Variants in ZRANB1 observed in about 807,000 individuals in gnomAD.
ZRANB1 encodes the protein zinc finger RANBP2-type containing 1, also known as ubiquitin thioesterase ZRANB1.
In ZRANB1, 16 loss-of-function variants were observed where a neutral mutation model predicts 80.5. The observed-to-expected ratio is 0.20, with a 90% confidence interval of 0.13 to 0.30. The LOEUF (loss-of-function observed/expected upper bound fraction) is 0.30. Among genes scored for constraint, ZRANB1 ranks in the 10% least tolerant of loss-of-function variants. The pLI, the probability that ZRANB1 is intolerant of heterozygous loss-of-function variation, is 1.00. For synonymous variants in ZRANB1, 291 were observed against 293.1 expected (o/e 0.99, Z 0.07); for missense variants, 576 against 862.6 (o/e 0.67, Z 4.16).
At position 124,986,277 on chromosome 10, in the gene ZRANB1, G is replaced by GCA. The variant is rs1236967383; in HGVS notation, c.*1287_*1288dup. ...CCAGGAATTTGGAAAGACGACACAC[G>GCA]CACGCGCGCGCGCGCACACACACAC... On this transcript the variant is annotated 3_prime_UTR_variant, in exon 9 of 9. Transcript: ENST00000359653. 4 of 21,454 alleles carry GCA rather than the reference G, an allele frequency of 1.9e-4. No homozygotes were observed. The highest frequency in any genetic ancestry group is 5.9e-3 in the East Asian group (2 of 338). 1.3% of individuals were successfully genotyped at this position (21,454 alleles called of 1,614,324 possible). A position where few individuals can be genotyped will look rare whatever the true frequency, so the allele number is the denominator to read the frequency against.
chr10:124,925,119 A>G, the ZRANB1 span, among the ~76,000 whole-genome samples: 9 of 152,120 alleles, frequency 5.9e-5, no homozygotes, highest in African/African-American at 1.9e-4. Context: ...TATGTTGACC[A>G]GGCTGGTCTC....
chr10:124,963,554 G>GTTTTTTTTTTTTTTTTTTTTTTTTGT (rs760813299), intron 1 of ZRANB1, among the ~76,000 whole-genome samples: 1 of 57,510 alleles, frequency 1.7e-5, no homozygotes, highest in African/African-American at 6.2e-5. Context: ...TTTTTTGTTT[G>GTTTTTTTTTTTTTTTTTTTTTTTTGT]TTTTTTTTTT....
At chr10:124,929,541 T>C in the ZRANB1 span, among the ~76,000 whole-genome samples, 3,148 of 145,720 alleles carry the variant, frequency 0.022, 120 homozygotes, top group African/African-American at 0.074. Flanking sequence ...GGTTTCACCA[T>C]GTTGGTCAGG....
upstream of ZRANB1, among the ~76,000 whole-genome samples, chr10:124,938,099 T>G (rs1951503447): frequency 1.3e-5 from 2 of 152,210 alleles, no homozygotes; most frequent in South Asian, 4.1e-4. Context: ...ATACTTAAAG[T>G]GATATTTGGT....
Position 124,983,358 on chromosome 10 carries a change from A to C in ZRANB1, c.1678+54A>C, listed in dbSNP as rs1951958422. 4 of 1,604,512 alleles carry C rather than the reference A, an allele frequency of 2.5e-6. No homozygotes were observed. Among genetic ancestry groups the C allele is most frequent in the East Asian group, 2.2e-5 (1 of 44,778 alleles). ...AGTTTCTTTGAACGGAATGGCTCAG[A>C]TGTCAGGAAGGAGCAGTGGACAGGG... On this transcript the variant is annotated intron_variant, in intron 7 of 8. Coordinates refer to ENST00000359653, the MANE Select transcript of ZRANB1 (RefSeq NM_017580.3). This position sits in a 1 kb window ranked among gnomAD's most constrained non-coding sequence, Gnocchi z 6.2.
chr10:124,949,073 G>C (rs1344808926), intron 1 of ZRANB1, among the ~76,000 whole-genome samples: 1 of 152,190 alleles, frequency 6.6e-6, no homozygotes, highest in East Asian at 1.9e-4. Flanking sequence ...AAAGGGTATA[G>C]AGGCTTCAGT....
chr10:124,967,646 CCAGAAGGG>C (rs1951787402), intron 2 of ZRANB1, among the ~76,000 whole-genome samples: 1 of 151,898 alleles, frequency 6.6e-6, no homozygotes, highest in African/African-American at 2.4e-5. Flanking sequence ...AGAACTTCTG[CCAGAAGGG>C]CAGAAGGGTA....
the ZRANB1 span, among the ~76,000 whole-genome samples, chr10:124,921,839 A>T: frequency 2.6e-5 from 4 of 151,838 alleles, no homozygotes; most frequent in East Asian, 7.7e-4. Context: ...TGCTTTTTGG[A>T]AGGGTGGTAT....
At chr10:124,951,232 C>T (rs754773929) in intron 1 of ZRANB1, among the ~76,000 whole-genome samples, 51 of 152,070 alleles carry the variant, frequency 3.4e-4, no homozygotes, top group African/African-American at 3.9e-4. Flanking sequence ...ATGTAATCTT[C>T]TATAATGATT....
chr10:124,941,610 A>C (rs539621901), upstream of ZRANB1, among the ~76,000 whole-genome samples: 5 of 152,294 alleles, frequency 3.3e-5, no homozygotes, highest in Admixed American at 1.3e-4. Context: ...TCAGCCTCCC[A>C]AAATGCTGGG....
At chr10:124,928,479 T>C in the ZRANB1 span, among the ~76,000 whole-genome samples, 1,088 of 152,320 alleles carry the variant, frequency 7.1e-3, 17 homozygotes, top group African/African-American at 0.025. Context: ...ATTTGTGGTA[T>C]ATATTAGAAG....
the ZRANB1 span, among the ~76,000 whole-genome samples, chr10:124,922,578 C>T: frequency 6.6e-6 from 1 of 151,390 alleles, no homozygotes; most frequent in Non-Finnish European, 1.5e-5. Flanking sequence ...CTGCAACCTC[C>T]ACCACCCGGC....
chr10:124,957,431 T>C (rs1041163971), intron 1 of ZRANB1, among the ~76,000 whole-genome samples: 6 of 152,182 alleles, frequency 3.9e-5, no homozygotes, highest in African/African-American at 1.4e-4. Context: ...ATTTATACCA[T>C]TTTACTCATT....
At chr10:124,925,046 T>C in the ZRANB1 span, among the ~76,000 whole-genome samples, 1 of 152,052 alleles carries the variant, frequency 6.6e-6, no homozygotes, top group Admixed American at 6.6e-5. Context: ...TAGCTGGGAC[T>C]ACAGGCACGC....
chr10:124,972,801 G>A (rs1951838456), intron 3 of ZRANB1, among the ~76,000 whole-genome samples: 2 of 150,888 alleles, frequency 1.3e-5, no homozygotes, highest in African/African-American at 2.4e-5. Context: ...AGATTGAAAC[G>A]GGGTCTTGCT....
chr10:124,949,414 CATATATATGT>C (rs573842213), intron 1 of ZRANB1, among the ~76,000 whole-genome samples: 40 of 147,660 alleles, frequency 2.7e-4, no homozygotes, highest in Non-Finnish European at 3.7e-4. Flanking sequence ...TATGTATACA[CATATATATGT>C]ATATATATAT....
At chr10:124,919,564 G>C in the ZRANB1 span, among the ~76,000 whole-genome samples, 1 of 147,206 alleles carries the variant, frequency 6.8e-6, no homozygotes, top group South Asian at 2.3e-4. Flanking sequence ...AACAAAAGTA[G>C]ACCACTATTA....
intron 1 of ZRANB1, among the ~76,000 whole-genome samples, chr10:124,943,969 A>G (rs1951559031): frequency 6.6e-6 from 1 of 152,240 alleles, no homozygotes; most frequent in Non-Finnish European, 1.5e-5. Context: ...TTTAACATGA[A>G]TGTCATGTAG....
Position 124,986,699 on chromosome 10 carries a change from G to A in ZRANB1, c.*1707G>A, listed in dbSNP as rs1457503526. 5 of 152,172 alleles carry A rather than the reference G, an allele frequency of 3.3e-5. No homozygotes were observed. The highest frequency in any genetic ancestry group is 3.3e-4 in the Admixed American group (5 of 15,274). The allele number at this position is 152,172 out of a possible 1,614,324, so 9.4% of individuals were successfully genotyped here. A position where few individuals can be genotyped will look rare whatever the true frequency, so the allele number is the denominator to read the frequency against. On this transcript the variant is annotated 3_prime_UTR_variant, in exon 9 of 9. Coordinates refer to ENST00000359653, the MANE Select transcript of ZRANB1 (RefSeq NM_017580.3). ...TGGCCAATAAGTAATCAAGTTTGTA[G>A]AAAATGTTAGCATTCTGACTACTTA...
Sources: allele counts gnomAD v4.1 joint callset (sites outside exome capture counted in the v4.1 genomes callset), GRCh38; gene constraint gnomAD v4.1.1; non-coding constraint Gnocchi (gnomAD v3.1); transcripts MANE v1.5; gene names NCBI Gene and HGNC (gene_info 2026-07-23, HGNC 2026-07-21).